CYP19A1: variants seen among roughly 807,000 people sequenced by gnomAD.
The protein encoded by CYP19A1 is aromatase.
Under a neutral mutation model 44.4 loss-of-function variants are expected in CYP19A1, and 32 were observed. The ratio of observed to expected loss-of-function variants is 0.72; its 90% CI spans 0.54 to 0.97. CYP19A1 has a LOEUF of 0.97. Ranked by LOEUF, CYP19A1 falls within the 50% of genes least tolerant of loss-of-function variation. The pLI is 0.00. For missense variants in CYP19A1, 598 were observed against 637.8 expected, an observed-to-expected ratio of 0.94 and a Z score of 0.67; for synonymous variants, 212 against 215.6, an observed-to-expected ratio of 0.98 and a Z score of 0.14.
At chr15:51,239,938 T>C (rs1315908147) in intron 2 of CYP19A1, among the ~76,000 whole-genome samples, 1 of 152,172 alleles carries the variant, frequency 6.6e-6, no homozygotes, top group Non-Finnish European at 1.5e-5. Context: ...TGTTTAGAGC[T>C]GGGGATGGCT....
At chr15:51,258,573 C>A (rs1236705502) in intron 1 of CYP19A1, among the ~76,000 whole-genome samples, 1 of 152,192 alleles carries the variant, frequency 6.6e-6, no homozygotes, top group Non-Finnish European at 1.5e-5. Flanking sequence ...AGAGCCTCTG[C>A]CTTCAGGAGG....
At chr15:51,297,757 G>T (rs541640191) in intron 1 of CYP19A1, among the ~76,000 whole-genome samples, 1 of 148,580 alleles carries the variant, frequency 6.7e-6, no homozygotes, top group Non-Finnish European at 1.5e-5. Flanking sequence ...AATTCTCATT[G>T]TAGTCTCCTT....
intron 1 of CYP19A1, among the ~76,000 whole-genome samples, chr15:51,298,848 G>A (rs920497270): frequency 3.3e-5 from 5 of 152,228 alleles, no homozygotes; most frequent in East Asian, 1.9e-4. Flanking sequence ...AAGGAGCTGC[G>A]TCTGGGGCAA....
chr15:51,308,710 A>G (rs2036258139), intron 1 of CYP19A1, among the ~76,000 whole-genome samples: 1 of 152,052 alleles, frequency 6.6e-6, no homozygotes, highest in African/African-American at 2.4e-5. Context: ...CAGAACCCAC[A>G]CTCAGGAGAC....
At chr15:51,281,328 A>T (rs912412635) in intron 1 of CYP19A1, among the ~76,000 whole-genome samples, 1 of 152,174 alleles carries the variant, frequency 6.6e-6, no homozygotes, top group Non-Finnish European at 1.5e-5. Context: ...AGGCTATACC[A>T]GATGTTTGGG....
intron 6 of CYP19A1, 155 bp downstream of exon 6, chr15:51,218,386 G>C: frequency 8.3e-7 from 1 of 1,205,956 alleles, no homozygotes; most frequent in Non-Finnish European, 1.1e-6. Flanking sequence ...CCAAATTGCT[G>C]TAAAAAGTGT....
At chr15:51,277,294 G>A (rs950875028) in intron 1 of CYP19A1, 3 of 151,962 alleles carry the variant, frequency 2.0e-5, no homozygotes, top group African/African-American at 4.8e-5. Flanking sequence ...TTATAATTAC[G>A]CAATCTTTAT....
chr15:51,270,460 C>G (rs1244705817), intron 1 of CYP19A1, among the ~76,000 whole-genome samples: 1 of 152,110 alleles, frequency 6.6e-6, no homozygotes, highest in Non-Finnish European at 1.5e-5. Flanking sequence ...TACCTGGAAC[C>G]CCTTCACCCT....
At chr15:51,242,396 C>A in intron 2 of CYP19A1, 1 of 298,578 alleles carries the variant, frequency 3.3e-6, no homozygotes, top group Non-Finnish European at 6.4e-6. Context: ...GAAGATGTTC[C>A]AGAGACATTT....
chr15:51,285,492 A>G (rs577396329), intron 1 of CYP19A1, among the ~76,000 whole-genome samples: 201 of 152,306 alleles, frequency 1.3e-3, no homozygotes, highest in African/African-American at 4.6e-3. Flanking sequence ...AAATGTTGGG[A>G]AAAAGCTGAG....
chr15:51,256,919 G>A (rs1293143964), intron 1 of CYP19A1, among the ~76,000 whole-genome samples: 1 of 152,188 alleles, frequency 6.6e-6, no homozygotes, highest in Non-Finnish European at 1.5e-5. Flanking sequence ...TGATGGGTGG[G>A]CAGTGGGTAA....
intron 1 of CYP19A1, among the ~76,000 whole-genome samples, chr15:51,292,674 C>G (rs2035874047): frequency 6.6e-6 from 1 of 152,182 alleles, no homozygotes; most frequent in Admixed American, 6.5e-5. Context: ...AAATCCTGCC[C>G]CTGCTTTCCT....
At chr15:51,245,625 G>A (rs2034019003) in intron 1 of CYP19A1, among the ~76,000 whole-genome samples, 2 of 152,144 alleles carry the variant, frequency 1.3e-5, no homozygotes, top group African/African-American at 4.8e-5. Flanking sequence ...CTACTCATCT[G>A]ACAAAGGGCT....
intron 3 of CYP19A1, among the ~76,000 whole-genome samples, chr15:51,231,061 A>G (rs1327513443): frequency 6.6e-6 from 1 of 152,238 alleles, no homozygotes; most frequent in South Asian, 2.1e-4. Flanking sequence ...AACAATCTTT[A>G]TAACAGAGGA....
intron 1 of CYP19A1, among the ~76,000 whole-genome samples, chr15:51,262,361 A>G (rs1458890327): frequency 6.6e-6 from 1 of 152,042 alleles, no homozygotes; most frequent in Non-Finnish European, 1.5e-5. Flanking sequence ...CCCACTCCAC[A>G]TGCTATATTT....
intron 1 of CYP19A1, among the ~76,000 whole-genome samples, chr15:51,254,920 C>T: frequency 6.6e-6 from 1 of 152,014 alleles, no homozygotes; most frequent in East Asian, 1.9e-4. Flanking sequence ...TTAATATGTG[C>T]TCATTTGTGG....
At chr15:51,217,098 T>C (rs750215923) in intron 6 of CYP19A1, among the ~76,000 whole-genome samples, 1 of 152,216 alleles carries the variant, frequency 6.6e-6, no homozygotes, top group Non-Finnish European at 1.5e-5. Flanking sequence ...ATCTCTTATA[T>C]ACAAAGAACA....
intron 1 of CYP19A1, among the ~76,000 whole-genome samples, chr15:51,336,104 T>C (rs1233806154): frequency 6.6e-6 from 1 of 152,184 alleles, no homozygotes; most frequent in Non-Finnish European, 1.5e-5. Context: ...CATCCAACTC[T>C]AGGACAGGCT....
chr15:51,253,162 G>C (rs2034388620), intron 1 of CYP19A1, among the ~76,000 whole-genome samples: 1 of 152,168 alleles, frequency 6.6e-6, no homozygotes, highest in Admixed American at 6.5e-5. Context: ...AAAAATGGGG[G>C]AAATAGTGGT....
Sources: gnomAD v4.1 joint callset for allele counts (sites outside exome capture counted in the v4.1 genomes callset) on GRCh38, gnomAD v4.1.1 for gene constraint, MANE v1.5 for transcripts, NCBI Gene and HGNC (gene_info 2026-07-23, HGNC 2026-07-21) for gene names.